CPLANE1: variants seen among roughly 807,000 people sequenced by gnomAD.
The protein encoded by CPLANE1 is ciliogenesis and planar polarity effector complex subunit 1.
A neutral mutation model predicts 362.5 loss-of-function variants in CPLANE1; 263 were observed. The observed-to-expected ratio is 0.73, with a 90% CI of 0.66 to 0.80. The LOEUF is 0.80. CPLANE1 is among the 30% of genes least tolerant of loss of function. CPLANE1 has a pLI of 0.00. For missense variants in CPLANE1, 3,461 were observed against 3,793.4 expected, an observed-to-expected ratio of 0.91 and a Z score of 2.30; for synonymous variants, 1,212 against 1,302.6, an observed-to-expected ratio of 0.93 and a Z score of 1.50.
At chr5:37,220,585 G>A (rs1030207967) in intron 15 of CPLANE1, among the ~76,000 whole-genome samples, 2 of 151,856 alleles carry the variant, frequency 1.3e-5, no homozygotes, top group East Asian at 3.9e-4. Flanking sequence ...GAGTGCAGTG[G>A]CGCTACCTTG....
intron 8 of CPLANE1, among the ~76,000 whole-genome samples, chr5:37,236,990 G>A (rs1309065737): frequency 6.6e-6 from 1 of 152,188 alleles, no homozygotes; most frequent in Admixed American, 6.5e-5. Flanking sequence ...GAACAAACAT[G>A]ATTGGTGGGA....
At chr5:37,160,962 C>T (rs1447537752) in intron 38 of CPLANE1, among the ~76,000 whole-genome samples, 2 of 152,102 alleles carry the variant, frequency 1.3e-5, no homozygotes, top group African/African-American at 2.4e-5. Flanking sequence ...TGAGCCACCG[C>T]GCCCAGCCTA....
In CPLANE1 at chr5:37,209,831, T is replaced by G; in HGVS notation, c.2921-3406A>C. The stretch of plus-strand genomic sequence containing the variant: ...CAGAATATCATCAAGCTAAAGAAAG[T>G]TGTAATATGGAAACTCAGACAAGTT... On this transcript the variant is annotated intron_variant, in intron 16 of 52. Transcript: ENST00000651892. This position sits in a 1 kb window ranked among gnomAD's most constrained non-coding sequence, Gnocchi z 4.6. 1 of 1,351,230 alleles carries G rather than the reference T, an allele frequency of 7.4e-7. No homozygotes were observed. The highest frequency in any genetic ancestry group is 1.1e-6 in the Non-Finnish European group (1 of 942,898). 83.7% of individuals were successfully genotyped at this position (1,351,230 alleles called of 1,614,324 possible).
At chr5:37,236,382 G>A (rs557311489) in intron 8 of CPLANE1, among the ~76,000 whole-genome samples, 18 of 152,174 alleles carry the variant, frequency 1.2e-4, no homozygotes, top group African/African-American at 4.3e-4. Context: ...ATGTGCAGAA[G>A]AATGAAACTG....
the CPLANE1 span, among the ~76,000 whole-genome samples, chr5:37,092,984 G>T: frequency 6.6e-6 from 1 of 152,082 alleles, no homozygotes; most frequent in East Asian, 1.9e-4. Context: ...CTAGTGTCAT[G>T]GTACTAAGGA....
At chr5:37,121,309 A>C (rs971850648) in intron 49 of CPLANE1, among the ~76,000 whole-genome samples, 1 of 152,166 alleles carries the variant, frequency 6.6e-6, no homozygotes, top group Non-Finnish European at 1.5e-5. Flanking sequence ...TTAGAAGGCA[A>C]ATTATGGAGG....
At chr5:37,097,826 A>T in the CPLANE1 span, among the ~76,000 whole-genome samples, 1 of 152,242 alleles carries the variant, frequency 6.6e-6, no homozygotes, top group African/African-American at 2.4e-5. Flanking sequence ...TCATTTCAGG[A>T]ATGAGTCCTC....
chr5:37,173,604 C>T, intron 32 of CPLANE1, 151 bp downstream of exon 32: 1 of 672,874 alleles, frequency 1.5e-6, no homozygotes, highest in African/African-American at 1.8e-5. Flanking sequence ...TGCGCCCAAC[C>T]AGTTATAAAC....
chr5:37,110,627 G>C (rs1758903350), intron 51 of CPLANE1, among the ~76,000 whole-genome samples: 1 of 151,922 alleles, frequency 6.6e-6, no homozygotes, highest in Admixed American at 6.6e-5. Flanking sequence ...AACAGTGCCT[G>C]GTATGTAGTA....
the CPLANE1 span, among the ~76,000 whole-genome samples, chr5:37,082,429 G>C: frequency 2.6e-5 from 4 of 152,074 alleles, no homozygotes; most frequent in African/African-American, 9.7e-5. Flanking sequence ...CCGATCCCAA[G>C]ATCCATTATA....
chr5:37,234,364 T>A, intron 8 of CPLANE1, among the ~76,000 whole-genome samples: 1 of 146,488 alleles, frequency 6.8e-6, no homozygotes, highest in Non-Finnish European at 1.5e-5. Flanking sequence ...AATGAGAAAT[T>A]TACCAAGGAG....
chr5:37,086,615 A>T, the CPLANE1 span, among the ~76,000 whole-genome samples: 5 of 152,206 alleles, frequency 3.3e-5, no homozygotes, highest in African/African-American at 9.7e-5. Context: ...TGGGCAGGAT[A>T]ACGCTCTGTG....
chr5:37,139,670 C>A (rs1294620300), intron 44 of CPLANE1: 1 of 383,340 alleles, frequency 2.6e-6, no homozygotes, highest in Non-Finnish European at 3.7e-6. Flanking sequence ...CCCACCTTAA[C>A]CTCCTGAATG....
Position 37,144,736 on chromosome 5 carries a change from AGC to A in CPLANE1, c.8462-2258_8462-2257del, listed in dbSNP as rs1770996107. Among the ~76,000 whole-genome samples, 6 of 151,882 alleles carry A rather than the reference AGC, an allele frequency of 4.0e-5. No individual in the cohort carries two copies. The South Asian group carries it at 1.3e-3, about 32-fold the overall frequency. On this transcript the variant is annotated intron_variant, in intron 43 of 52. Coordinates refer to ENST00000651892, the MANE Select transcript of CPLANE1 (RefSeq NM_001384732.1). ...CGCGGTGGCGGGCACCTGTAGTCCC[AGC>A]TACTCAGGAGACTGAGGCAGGAGAA...
intron 21 of CPLANE1, among the ~76,000 whole-genome samples, chr5:37,189,941 G>A (rs182832379): frequency 2.5e-4 from 38 of 152,054 alleles, no homozygotes; most frequent in Admixed American, 2.2e-3. Context: ...GGAGATTGCA[G>A]TGAGCTGAGA....
intron 18 of CPLANE1, among the ~76,000 whole-genome samples, chr5:37,204,879 G>A (rs376708878): frequency 1.1e-4 from 16 of 152,132 alleles, no homozygotes; most frequent in Admixed American, 2.6e-4. Context: ...TTTTTCAGCC[G>A]GGCGCAGTGG....
chr5:37,164,987 T>G (rs2150857492), intron 36 of CPLANE1, among the ~76,000 whole-genome samples: 1 of 152,234 alleles, frequency 6.6e-6, no homozygotes, highest in South Asian at 2.1e-4. Flanking sequence ...ACACCTGTAG[T>G]TCTAGCTATT....
At chr5:37,246,485 T>C (rs1739716821) in intron 2 of CPLANE1, 1 of 152,194 alleles carries the variant, frequency 6.6e-6, no homozygotes, top group South Asian at 2.1e-4. Flanking sequence ...CTGACTCTCA[T>C]CAATTTTAAC....
chr5:37,195,125 A>G (rs895703596), intron 21 of CPLANE1, among the ~76,000 whole-genome samples: 2 of 151,152 alleles, frequency 1.3e-5, no homozygotes, highest in African/African-American at 4.9e-5. Flanking sequence ...ACTGCACTCC[A>G]GCCTGGGAGA....
Sources: gnomAD v4.1 joint callset for allele counts (sites outside exome capture counted in the v4.1 genomes callset) on GRCh38, gnomAD v4.1.1 for gene constraint, Gnocchi (gnomAD v3.1) non-coding constraint, MANE v1.5 for transcripts, NCBI Gene and HGNC (gene_info 2026-07-23, HGNC 2026-07-21) for gene names.